TMPRSS7: variants seen among roughly 807,000 people sequenced by gnomAD.
The protein encoded by TMPRSS7 is transmembrane protease serine 7.
TMPRSS7 carries 81 observed loss-of-function variants against 95.6 expected under a neutral mutation model. The ratio of observed to expected loss-of-function variants is 0.85; its 90% CI spans 0.71 to 1.02. The LOEUF (loss-of-function observed/expected upper bound fraction) is 1.02, where lower values mean the gene tolerates loss of function less well. Among genes scored for constraint, TMPRSS7 ranks in the 50% least tolerant of loss-of-function variants. The probability of loss-of-function intolerance (pLI) is 0.00; values close to 1 mark genes in which losing one functional copy is unlikely to be tolerated. For synonymous variants in TMPRSS7, 364 were observed against 337.8 expected (o/e 1.08, Z -0.85); for missense variants, 945 against 955.2 (o/e 0.99, Z 0.14).
At chr3:112,042,098 G>A in intron 3 of TMPRSS7, 48 bp downstream of exon 3, 7 of 1,486,626 alleles carry the variant, frequency 4.7e-6, no homozygotes, top group Non-Finnish European at 6.4e-6. Context: ...GGTTTGCGGG[G>A]AGGTGGGGGA....
At chr3:112,066,361 G>A (rs11715561) in intron 12 of TMPRSS7, 31 bp from the exon 13 acceptor site, 929,750 of 1,601,802 alleles carry the variant, frequency 0.58, 273,876 homozygotes, top group Middle Eastern at 0.63. Flanking sequence ...TCTCAGGCTC[G>A]TGAACTTTCT....
chr3:112,061,364 T>G (rs868716521), intron 10 of TMPRSS7, among the ~76,000 whole-genome samples: 1 of 152,232 alleles, frequency 6.6e-6, no homozygotes, highest in Non-Finnish European at 1.5e-5. Flanking sequence ...TGTTGTCTTT[T>G]GCTTTTAGTC....
Position 112,040,672 on chromosome 3 carries a change from A to G in TMPRSS7, c.299-1248A>G, listed in dbSNP as rs570057820. Among the ~76,000 whole-genome samples the G allele has an allele frequency of 2.0e-5, 3 of 152,326 alleles. No individual in the cohort carries two copies. The South Asian group carries it at 6.2e-4, about 32-fold the overall frequency. On this transcript the variant is annotated intron_variant, in intron 2 of 17. Coordinates refer to ENST00000452346, the Ensembl canonical transcript of TMPRSS7. ...ATTTGCACTGTCCTAGCATTTTTAC[A>G]TAAAGTTTTAGAACATCCTTGTGCA...
intron 13 of TMPRSS7, among the ~76,000 whole-genome samples, chr3:112,069,666 T>C (rs1024603026): frequency 6.6e-6 from 1 of 152,034 alleles, no homozygotes; most frequent in African/African-American, 2.4e-5. Flanking sequence ...GGATTGGTGG[T>C]GATATCCCCT....
At chr3:112,075,477 G>A in exon 15 of TMPRSS7, 1 of 1,493,462 alleles carries the variant, frequency 6.7e-7, no homozygotes, top group East Asian at 2.6e-5. Flanking sequence ...GCAGCCCACT[G>A]TTTTCATGGA....
chr3:112,066,793 T>G (rs977467064), intron 13 of TMPRSS7, among the ~76,000 whole-genome samples: 2 of 152,164 alleles, frequency 1.3e-5, no homozygotes, highest in Non-Finnish European at 2.9e-5. Flanking sequence ...TTTCAATTTT[T>G]AAAAATTTTA....
At chr3:112,074,015 T>C (rs967174835) in intron 13 of TMPRSS7, among the ~76,000 whole-genome samples, 6 of 152,206 alleles carry the variant, frequency 3.9e-5, no homozygotes, top group Admixed American at 3.9e-4. Flanking sequence ...GCCACTGATA[T>C]GTCGCACTTC....
rs2073701085 is a variant in TMPRSS7 at position 112,075,499 on chromosome 3, C to CG, written c.1955+7_1955+8insG. ...ACTGTTTTCATGGAAACAGGTAGGG[C>CG]CTCACGGTCCTTACTTTCAAGTGGC... On this transcript the variant is annotated splice_region_variant and intron_variant, in intron 15 of 17. Coordinates refer to ENST00000452346, the Ensembl canonical transcript of TMPRSS7. The CG allele has an allele frequency of 7.0e-7, 1 of 1,431,936 alleles. No individual in the cohort carries two copies. Among genetic ancestry groups the CG allele is most frequent in the Non-Finnish European group, 9.2e-7 (1 of 1,086,864 alleles). 88.7% of individuals were successfully genotyped at this position (1,431,936 alleles called of 1,614,324 possible). A position where few individuals can be genotyped will look rare whatever the true frequency, so the allele number is the denominator to read the frequency against.
At chr3:112,040,736 C>G (rs138371995) in intron 2 of TMPRSS7, among the ~76,000 whole-genome samples, 1 of 152,154 alleles carries the variant, frequency 6.6e-6, no homozygotes, top group Admixed American at 6.6e-5. Context: ...GAGAAGGCCA[C>G]TTCATGGAAA....
intron 3 of TMPRSS7, among the ~76,000 whole-genome samples, chr3:112,042,769 C>T (rs74844496): frequency 6.6e-6 from 1 of 152,178 alleles, no homozygotes; most frequent in Non-Finnish European, 1.5e-5. Context: ...GATAATGTGA[C>T]AGCAAAACTG....
At chr3:112,035,239 C>T (rs1318127202) in intron 1 of TMPRSS7, among the ~76,000 whole-genome samples, 1 of 152,152 alleles carries the variant, frequency 6.6e-6, no homozygotes, top group Non-Finnish European at 1.5e-5. Context: ...GGCATTTCTG[C>T]GTGTTTCTTT....
intron 9 of TMPRSS7, among the ~76,000 whole-genome samples, chr3:112,052,199 G>C (rs1044013989): frequency 6.6e-6 from 1 of 152,142 alleles, no homozygotes; most frequent in Non-Finnish European, 1.5e-5. Flanking sequence ...TTAGGTGTTT[G>C]TTATCTTAAA....
intron 7 of TMPRSS7, 90 bp from the exon 8 acceptor site, chr3:112,049,754 C>G (rs1232800079): frequency 1.8e-6 from 2 of 1,125,540 alleles, no homozygotes; most frequent in African/African-American, 3.1e-5. Flanking sequence ...GAATGGATGG[C>G]CCAGGAAATG....
intron 2 of TMPRSS7, chr3:112,039,838 A>G (rs970222605): frequency 6.6e-6 from 1 of 152,230 alleles, no homozygotes; most frequent in African/African-American, 2.4e-5. Context: ...TTTGTAGCCA[A>G]TTTGGACAGC....
intron 3 of TMPRSS7, among the ~76,000 whole-genome samples, chr3:112,043,282 C>A (rs2073235546): frequency 6.6e-6 from 1 of 152,110 alleles, no homozygotes; most frequent in African/African-American, 2.4e-5. Context: ...TAACACAAAT[C>A]ACTAGATGAT....
intron 10 of TMPRSS7, among the ~76,000 whole-genome samples, chr3:112,059,517 T>G (rs2073474409): frequency 6.6e-6 from 1 of 152,196 alleles, no homozygotes; most frequent in Admixed American, 6.5e-5. Flanking sequence ...CTACTAAATG[T>G]TAATGGTGAG....
At chr3:112,057,484 A>G (rs1229373348) in intron 10 of TMPRSS7, among the ~76,000 whole-genome samples, 2 of 152,150 alleles carry the variant, frequency 1.3e-5, no homozygotes, top group Non-Finnish European at 2.9e-5. Context: ...CCATTGACCA[A>G]TTCTGTGTGG....
At chr3:112,045,528 A>G (rs189122096) in intron 4 of TMPRSS7, among the ~76,000 whole-genome samples, 13 of 152,380 alleles carry the variant, frequency 8.5e-5, no homozygotes, top group Admixed American at 8.5e-4. Context: ...GCAACTCTAC[A>G]GTAATGGTTT....
At chr3:112,067,500 T>C (rs61233651) in intron 13 of TMPRSS7, among the ~76,000 whole-genome samples, 4,554 of 152,316 alleles carry the variant, frequency 0.03, 189 homozygotes, top group African/African-American at 0.088. Flanking sequence ...TGTTGTTTCC[T>C]GACTTTTTAG....
Sources: allele counts gnomAD v4.1 joint callset (sites outside exome capture counted in the v4.1 genomes callset), GRCh38; gene constraint gnomAD v4.1.1; transcripts MANE v1.5; gene names NCBI Gene and HGNC (gene_info 2026-07-23, HGNC 2026-07-21).